The following MEIOSIN variants were observed in gnomAD, a reference collection of about 807,000 sequenced individuals.
The protein encoded by MEIOSIN is meiosis initiator, also known as meiosis initiator protein.
Under a neutral mutation model 23.4 loss-of-function variants are expected in MEIOSIN, and 18 were observed. The ratio of observed to expected loss-of-function variants is 0.77; its 90% CI spans 0.53 to 1.14. The LOEUF (loss-of-function observed/expected upper bound fraction) is 1.14, where lower values mean the gene tolerates loss of function less well. MEIOSIN is among the 50% of genes most tolerant of loss of function. The probability of loss-of-function intolerance (pLI) is 0.00; values close to 1 mark genes in which losing one functional copy is unlikely to be tolerated. For synonymous variants in MEIOSIN, 187 were observed against 100.6 expected, an observed-to-expected ratio of 1.86 and a Z score of -5.14; for missense variants, 428 against 242.9, an observed-to-expected ratio of 1.76 and a Z score of -5.07.
chr19:45,734,785 G>A (rs779363456), intron 1 of MEIOSIN, among the ~76,000 whole-genome samples: 73 of 150,700 alleles, frequency 4.8e-4, no homozygotes, highest in Non-Finnish European at 8.9e-4. Flanking sequence ...GATTACAGGC[G>A]TGAGCCACTG....
chr19:45,754,587 C>T lies in MEIOSIN; in HGVS notation c.665C>T (p.Thr222Ile), dbSNP rs918335120. Residue 222 changes from threonine to isoleucine, a missense_variant, in exon 7 of 15, where the codon ACT becomes ATT. Coordinates refer to ENST00000457052, the MANE Select transcript of MEIOSIN (RefSeq NM_001310124.2). ...AAAGGAAGTGGCACAGGGGGGACCA[C>T]TACCCCTCCAAGGTGCCCTGACTCC... ...DQKGSGTGGT[T>I]TPPRCPDSCG... 2 of 703,110 alleles carry T rather than the reference C, an allele frequency of 2.8e-6. No individual in the cohort carries two copies. Among genetic ancestry groups the T allele is most frequent in the South Asian group, 3.0e-5 (2 of 67,610 alleles). 43.6% of individuals were successfully genotyped at this position (703,110 alleles called of 1,614,324 possible). A position where few individuals can be genotyped will look rare whatever the true frequency, so the allele number is the denominator to read the frequency against.
chr19:45,746,407 G>A (rs1165268149), intron 4 of MEIOSIN, among the ~76,000 whole-genome samples: 3 of 152,146 alleles, frequency 2.0e-5, no homozygotes. Flanking sequence ...AGCCAGCATG[G>A]AAGCATCTTC....
At chr19:45,755,641 G>C (rs1199585325) in intron 7 of MEIOSIN, among the ~76,000 whole-genome samples, 4 of 151,946 alleles carry the variant, frequency 2.6e-5, no homozygotes, top group Non-Finnish European at 5.9e-5. Context: ...TAGAGACGGG[G>C]TTTCACCGTG....
intron 9 of MEIOSIN, 24 bp from the exon 10 acceptor site, chr19:45,758,854 C>G: frequency 1.4e-6 from 1 of 702,248 alleles, no homozygotes; most frequent in South Asian, 1.5e-5. Flanking sequence ...GGCCACACCC[C>G]TGAGTCTGCT....
chr19:45,758,511 C>T (rs1464321869), intron 9 of MEIOSIN, among the ~76,000 whole-genome samples: 1 of 152,006 alleles, frequency 6.6e-6, no homozygotes, highest in African/African-American at 2.4e-5. Flanking sequence ...CTCACTGCAA[C>T]CTCTGCTCCT....
In MEIOSIN at chr19:45,756,019, C is replaced by T. The variant is rs773540348; in HGVS notation, c.852C>T (p.Leu284=). ...SVQDDAPFPA[L]LAQEDVARIH... is the part of the protein sequence containing the mutation. ...AGGATGACGCACCTTTCCCTGCGCT[C>T]CTGGCTCAGGAAGATGTGGCGAGGA... is the stretch of plus-strand genomic sequence containing the variant. The change falls in exon 8 of 15, where the codon CTC becomes CTT. Residue 284 remains leucine (L), a synonymous_variant. Transcript: ENST00000457052. The T allele has an allele frequency of 4.6e-5, 32 of 702,862 alleles. No homozygotes were observed. The highest frequency in any genetic ancestry group is 7.5e-5 in the Non-Finnish European group (29 of 385,026). 43.5% of individuals were successfully genotyped at this position (702,862 alleles called of 1,614,324 possible).
chr19:45,746,776 G>A (rs921963524), intron 4 of MEIOSIN, among the ~76,000 whole-genome samples: 2 of 150,920 alleles, frequency 1.3e-5, no homozygotes, highest in African/African-American at 4.9e-5. Context: ...ATCCGAGATC[G>A]CGCCATTGCA....
chr19:45,741,279 G>A (rs1028183541), intron 3 of MEIOSIN, among the ~76,000 whole-genome samples: 3 of 151,862 alleles, frequency 2.0e-5, no homozygotes, highest in East Asian at 1.9e-4. Flanking sequence ...TCTGGGAGGC[G>A]GAGATTTCAG....
intron 11 of MEIOSIN, 147 bp downstream of exon 11, chr19:45,759,637 TA>T (rs1366305973): frequency 1.6e-6 from 1 of 618,492 alleles, no homozygotes; most frequent in African/African-American, 1.8e-5. Flanking sequence ...TCCTCATCCT[TA>T]AAACCGCCCC....
At chr19:45,739,029 C>T (rs1413643472) in intron 2 of MEIOSIN, among the ~76,000 whole-genome samples, 1 of 152,136 alleles carries the variant, frequency 6.6e-6, no homozygotes, top group African/African-American at 2.4e-5. Context: ...GGATGTCGGC[C>T]TTGGCTGGTT....
chr19:45,737,199 G>T (rs376389212), intron 2 of MEIOSIN, among the ~76,000 whole-genome samples: 3 of 150,436 alleles, frequency 2.0e-5, no homozygotes, highest in African/African-American at 4.9e-5. Flanking sequence ...TTGAAACAAG[G>T]TCTTGCTCTG....
chr19:45,751,084 C>A (rs911608183), intron 5 of MEIOSIN, among the ~76,000 whole-genome samples: 4 of 151,896 alleles, frequency 2.6e-5, no homozygotes, highest in Non-Finnish European at 4.4e-5. Context: ...ACCAGCCTGG[C>A]CAACATGGCA....
At chr19:45,756,946 G>A (rs535612511) in intron 8 of MEIOSIN, among the ~76,000 whole-genome samples, 4 of 152,236 alleles carry the variant, frequency 2.6e-5, no homozygotes, top group East Asian at 3.9e-4. Flanking sequence ...CTCAGGCTGA[G>A]CCCACTGCTC....
chr19:45,745,605 A>G (rs1054267211), intron 4 of MEIOSIN, among the ~76,000 whole-genome samples: 2 of 152,228 alleles, frequency 1.3e-5, no homozygotes, highest in African/African-American at 4.8e-5. Flanking sequence ...TGAGCCCTCT[A>G]GCTTCACAGC....
At chr19:45,743,574 T>C (rs951483004) in intron 3 of MEIOSIN, among the ~76,000 whole-genome samples, 1 of 152,080 alleles carries the variant, frequency 6.6e-6, no homozygotes, top group African/African-American at 2.4e-5. Context: ...CAGGTTGGAG[T>C]GCAGTGGTGC....
intron 11 of MEIOSIN, 45 bp from the exon 12 acceptor site, chr19:45,761,630 GGGGC>G: frequency 1.5e-6 from 1 of 685,290 alleles, no homozygotes; most frequent in South Asian, 1.5e-5. Flanking sequence ...GGGGGATGAA[GGGGC>G]ACCACTTGTC....
At chr19:45,735,469 C>T in intron 2 of MEIOSIN, 22 bp downstream of exon 2, 1 of 697,474 alleles carries the variant, frequency 1.4e-6, no homozygotes, top group Non-Finnish European at 2.6e-6. Flanking sequence ...CCCCATCTCC[C>T]TTATAGCCCC....
At chr19:45,763,233 G>A (rs1042258453) in intron 13 of MEIOSIN, 105 bp from the exon 14 acceptor site, 4 of 397,162 alleles carry the variant, frequency 1.0e-5, no homozygotes, top group African/African-American at 8.2e-5. Context: ...AGCTCCAGAG[G>A]GTGGTCTTGG....
At chr19:45,742,423 T>G (rs1968521603) in intron 3 of MEIOSIN, among the ~76,000 whole-genome samples, 1 of 151,986 alleles carries the variant, frequency 6.6e-6, no homozygotes, top group South Asian at 2.1e-4. Flanking sequence ...GAGGTTACAG[T>G]GAGCTATGAT....
Sources: allele counts gnomAD v4.1 joint callset (sites outside exome capture counted in the v4.1 genomes callset), GRCh38; gene constraint gnomAD v4.1.1; transcripts MANE v1.5; gene names NCBI Gene and HGNC (gene_info 2026-07-23, HGNC 2026-07-21).